Variants in CNRIP1 observed in about 807,000 individuals in gnomAD.
CNRIP1 encodes the protein cannabinoid receptor interacting protein 1.
Under a neutral mutation model 15.2 loss-of-function variants are expected in CNRIP1, and 10 were observed. That is an observed-to-expected ratio of 0.66 (90% CI 0.41 to 1.12). The LOEUF is 1.12. Ranked by LOEUF, CNRIP1 falls within the 50% of genes most tolerant of loss-of-function variation. CNRIP1 has a pLI of 0.00. For missense variants in CNRIP1, 211 were observed against 214.7 expected, an observed-to-expected ratio of 0.98 and a Z score of 0.11; for synonymous variants, 91 against 83.2, an observed-to-expected ratio of 1.09 and a Z score of -0.51.
At chr2:68,317,843 G>A (rs1407458786) in intron 1 of CNRIP1, among the ~76,000 whole-genome samples, 1 of 152,134 alleles carries the variant, frequency 6.6e-6, no homozygotes, top group East Asian at 1.9e-4. Flanking sequence ...GAGAGCTCCA[G>A]CATCTGTGTT....
At chr2:68,312,289 T>A (rs1240007270) in intron 2 of CNRIP1, among the ~76,000 whole-genome samples, 16 of 152,174 alleles carry the variant, frequency 1.1e-4, no homozygotes, top group Admixed American at 1.0e-3. Context: ...CAGTGGTATT[T>A]AACCTGGGAA....
intron 2 of CNRIP1, among the ~76,000 whole-genome samples, chr2:68,310,585 T>A (rs988657856): frequency 2.0e-5 from 3 of 151,818 alleles, no homozygotes; most frequent in Non-Finnish European, 4.4e-5. Context: ...CCAGCTAGAA[T>A]ACAAAAAACC....
In CNRIP1 at chr2:68,293,710, G is replaced by T. The variant is rs567707371; in HGVS notation, c.*152C>A. On this transcript the variant is annotated 3_prime_UTR_variant, in exon 3 of 3. Coordinates refer to ENST00000263655, the MANE Select transcript of CNRIP1 (RefSeq NM_015463.3). Reference sequence around the variant, plus strand: ...ATGTGAGGGATATTGTGTCAGAGGGGAATTACACTTTCAAAATAACCAGGG... The same window carrying T: ...ATGTGAGGGATATTGTGTCAGAGGGTAATTACACTTTCAAAATAACCAGGG... 3.7e-3 allele frequency: 5,199 copies of T among 1,422,332 alleles called. 13 individuals are homozygous for T. Among genetic ancestry groups the T allele is most frequent in the Non-Finnish European group, 4.3e-3 (4,701 of 1,086,974 alleles). The allele number at this position is 1,422,332 out of a possible 1,614,324, so 88.1% of individuals were successfully genotyped here.
In CNRIP1 at chr2:68,317,073, T is replaced by G. The variant is rs1420341801; in HGVS notation, c.330+84A>C. The G allele has an allele frequency of 3.2e-6, 5 of 1,543,346 alleles. No homozygotes were observed. In the East Asian group the frequency reaches 1.1e-4, roughly 35 times the overall value. Reference sequence around the variant, plus strand: ...TAATTGGCTCCCAACACACCTTTTCTTACAGAGAGATAGTGATTGTTTTCT... The same window carrying G: ...TAATTGGCTCCCAACACACCTTTTCGTACAGAGAGATAGTGATTGTTTTCT... On this transcript the variant is annotated intron_variant, in intron 2 of 2. Coordinates refer to ENST00000263655, the MANE Select transcript of CNRIP1 (RefSeq NM_015463.3).
In CNRIP1 at chr2:68,307,021, T is replaced by C. The variant is rs570369590; in HGVS notation, c.330+10136A>G. On this transcript the variant is annotated intron_variant, in intron 2 of 2. Coordinates refer to ENST00000263655, the MANE Select transcript of CNRIP1 (RefSeq NM_015463.3). ...AATAAGATTCATAAATTTGAGCAAA[T>C]TTTTAAAGTGGCAGTAATCCTTACA... 1.2e-4 allele frequency among the ~76,000 whole-genome samples: 19 copies of C among 152,320 alleles called. No individual in the cohort carries two copies. The East Asian group carries it at 3.1e-3, about 25-fold the overall frequency.
intron 2 of CNRIP1, 31 bp from the exon 3 acceptor site, chr2:68,294,057 A>C (rs1573007987): frequency 6.2e-7 from 1 of 1,606,838 alleles, no homozygotes; most frequent in Non-Finnish European, 8.5e-7. Context: ...CTGATAAAAA[A>C]CCTCATTCTG....
intron 2 of CNRIP1, among the ~76,000 whole-genome samples, chr2:68,301,449 AG>A (rs1399383383): frequency 2.0e-5 from 3 of 152,198 alleles, no homozygotes; most frequent in Non-Finnish European, 4.4e-5. Context: ...TTTCCCTGTC[AG>A]ATGGGAAACA....
intron 2 of CNRIP1, among the ~76,000 whole-genome samples, chr2:68,286,639 G>C (rs1164359475): frequency 6.6e-6 from 1 of 152,168 alleles, no homozygotes; most frequent in Admixed American, 6.5e-5. Flanking sequence ...CAAGCATGAA[G>C]GGAGGTTGCC....
At chr2:68,287,567 C>T (rs1033808596) in intron 2 of CNRIP1, among the ~76,000 whole-genome samples, 3 of 152,218 alleles carry the variant, frequency 2.0e-5, no homozygotes, top group African/African-American at 7.2e-5. Context: ...GGGTTCCATG[C>T]CGTATCTTCT....
At chr2:68,318,399 C>G (rs1447003485) in intron 1 of CNRIP1, among the ~76,000 whole-genome samples, 1 of 152,186 alleles carries the variant, frequency 6.6e-6, no homozygotes, top group Non-Finnish European at 1.5e-5. Flanking sequence ...GGTAAAGGGG[C>G]TCCACCCGCA....
intron 2 of CNRIP1, among the ~76,000 whole-genome samples, chr2:68,303,048 T>A (rs13013670): frequency 7.3e-5 from 11 of 151,492 alleles, no homozygotes; most frequent in Non-Finnish European, 1.5e-4. Flanking sequence ...GGGGTTTCAC[T>A]GTGTTAGCCA....
At position 68,305,296 on chromosome 2, in the gene CNRIP1, G is replaced by A. The variant is rs1255178854; in HGVS notation, c.331-11270C>T. ...TATATGTGTGTGTGTGTGTGTGTGT[G>A]TGTGTGTGTGTGTGTGTACATATAA... is the stretch of plus-strand genomic sequence containing the variant. On this transcript the variant is annotated intron_variant, in intron 2 of 2. Transcript: ENST00000263655. Among the ~76,000 whole-genome samples, 406 of 146,576 alleles carry A rather than the reference G, an allele frequency of 2.8e-3. 5 individuals are homozygous for A. Among genetic ancestry groups the A allele is most frequent in the South Asian group, 0.02 (96 of 4,688 alleles).
chr2:68,284,779 C>G (rs1670985808), intron 2 of CNRIP1, among the ~76,000 whole-genome samples: 1 of 147,990 alleles, frequency 6.8e-6, no homozygotes, highest in African/African-American at 2.6e-5. Flanking sequence ...CCACTGCACT[C>G]CAGCCTGAGT....
At chr2:68,307,939 T>C (rs1205644164) in intron 2 of CNRIP1, among the ~76,000 whole-genome samples, 1 of 152,142 alleles carries the variant, frequency 6.6e-6, no homozygotes, top group Non-Finnish European at 1.5e-5. Flanking sequence ...ACCCCTGTAA[T>C]CCCAGTACTT....
rs140235944 is a variant in CNRIP1 at position 68,309,950 on chromosome 2, CGTATGTAT to C, written c.330+7199_330+7206del. Among the ~76,000 whole-genome samples the C allele has an allele frequency of 4.6e-5, 7 of 151,882 alleles. No homozygotes were observed. In the East Asian group the frequency reaches 9.6e-4, roughly 21 times the overall value. On this transcript the variant is annotated intron_variant, in intron 2 of 2. Coordinates refer to ENST00000263655, the MANE Select transcript of CNRIP1 (RefSeq NM_015463.3). ...AAGATTAATAGCTTCTTTATATTTACGTATGTATGTATGTATGTATGTATGTATGCATG... is the reference window on the plus strand; with the variant it reads ...AAGATTAATAGCTTCTTTATATTTACGTATGTATGTATGTATGTATGCATG...
chr2:68,294,003 C>T lies in CNRIP1; in HGVS notation c.354G>A (p.Glu118=), dbSNP rs1241671073. Residue 118 remains glutamate, a synonymous_variant, in exon 3 of 3, where the codon GAG becomes GAA. Transcript: ENST00000263655. The part of the protein sequence containing the change: ...TMPFTDIGTF[E]TVWQVKFYNY... ...TGTAGAACTTGACTTGCCACACTGT[C>T]TCGAAGGTCCCAATGTCTGTGAACT... 1 of 1,614,000 alleles carries T rather than the reference C, an allele frequency of 6.2e-7. No homozygotes were observed. Among genetic ancestry groups the T allele is most frequent in the South Asian group, 1.1e-5 (1 of 91,060 alleles).
rs377749015 is a variant in CNRIP1, at chr2:68,317,230, G to A, written c.257C>T (p.Thr86Met). The A allele has an allele frequency of 2.4e-5, 39 of 1,614,004 alleles. No individual in the cohort carries two copies. Among genetic ancestry groups the A allele is most frequent in the South Asian group, 5.5e-5 (5 of 91,090 alleles). ...CACACCTTCTGTGTCATATGTACCC[G>A]TATAAACAACTCTGTCCCCATCAGG... ...KEPDGDRVVYTGTYDTEGVTP... is the reference protein window; with the variant it reads ...KEPDGDRVVYMGTYDTEGVTP... The change falls in exon 2 of 3, where the codon ACG (threonine) becomes ATG (methionine). Residue 86 changes from threonine (T) to methionine (M), a missense_variant. Coordinates refer to ENST00000263655, the MANE Select transcript of CNRIP1 (RefSeq NM_015463.3).
At chr2:68,308,278 G>A (rs1322761867) in intron 2 of CNRIP1, among the ~76,000 whole-genome samples, 1 of 151,838 alleles carries the variant, frequency 6.6e-6, no homozygotes, top group East Asian at 1.9e-4. Flanking sequence ...AGATTTCCTA[G>A]TTTACTTTTC....
rs543758299 is a variant in CNRIP1, at chr2:68,310,593, A to G, written c.330+6564T>C. Among the ~76,000 whole-genome samples the G allele has an allele frequency of 1.1e-4, 16 of 152,308 alleles. 1 individual carries two copies. The South Asian group carries it at 3.3e-3, about 32-fold the overall frequency. On this transcript the variant is annotated intron_variant, in intron 2 of 2. Coordinates refer to ENST00000263655, the MANE Select transcript of CNRIP1 (RefSeq NM_015463.3). ...TTTACTGCCAGCTAGAATACAAAAAACCAGTAATACCCAGAAGAATAAAGC... is the reference window on the plus strand; with the variant it reads ...TTTACTGCCAGCTAGAATACAAAAAGCCAGTAATACCCAGAAGAATAAAGC...
Sources: gnomAD v4.1 joint callset for allele counts (sites outside exome capture counted in the v4.1 genomes callset) on GRCh38, gnomAD v4.1.1 for gene constraint, MANE v1.5 for transcripts, NCBI Gene and HGNC (gene_info 2026-07-23, HGNC 2026-07-21) for gene names.